GRM8: variants seen among roughly 807,000 people sequenced by gnomAD.
The protein encoded by GRM8 is glutamate metabotropic receptor 8.
In GRM8, 47 loss-of-function variants were observed where a neutral mutation model predicts 87.2. The ratio of observed to expected loss-of-function variants is 0.54; its 90% confidence interval spans 0.43 to 0.69. The LOEUF (loss-of-function observed/expected upper bound fraction) is 0.69. Ranked by LOEUF, GRM8 falls within the 30% of genes least tolerant of loss-of-function variation. The pLI is 0.00. For missense variants in GRM8, 1,019 were observed against 1,139.2 expected (o/e 0.89, Z 1.52); for synonymous variants, 396 against 404.5 (o/e 0.98, Z 0.25).
chr7:126,480,832 T>C (rs1410122520), intron 9 of GRM8, among the ~76,000 whole-genome samples: 1 of 152,068 alleles, frequency 6.6e-6, no homozygotes, highest in Admixed American at 6.6e-5. Flanking sequence ...GACACCCCAG[T>C]AGTAATGGGC....
chr7:127,233,047 G>A (rs1797784059), intron 2 of GRM8, among the ~76,000 whole-genome samples: 2 of 152,046 alleles, frequency 1.3e-5, no homozygotes, highest in Admixed American at 6.5e-5. Context: ...TGTCAGGCTT[G>A]TCTTGAACTC....
At chr7:127,063,137 T>G (rs1290419374) in intron 3 of GRM8, among the ~76,000 whole-genome samples, 1 of 150,802 alleles carries the variant, frequency 6.6e-6, no homozygotes, top group African/African-American at 2.4e-5. Flanking sequence ...CCTGTAGTCC[T>G]GGCTACTCAG....
intron 8 of GRM8, among the ~76,000 whole-genome samples, chr7:126,608,515 C>G (rs912119136): frequency 2.6e-5 from 4 of 152,130 alleles, no homozygotes; most frequent in African/African-American, 7.2e-5. Flanking sequence ...TCAAGTCGCC[C>G]TCACATGGCC....
chr7:127,164,670 T>C (rs1455525133), intron 2 of GRM8, among the ~76,000 whole-genome samples: 1 of 152,154 alleles, frequency 6.6e-6, no homozygotes, highest in African/African-American at 2.4e-5. Context: ...ACCTCTTTCA[T>C]AGCCATCGTA....
intron 2 of GRM8, among the ~76,000 whole-genome samples, chr7:127,174,684 C>T (rs1011943459): frequency 1.3e-5 from 2 of 152,168 alleles, no homozygotes; most frequent in African/African-American, 4.8e-5. Context: ...TTTACCCACA[C>T]TTAGCACCAA....
intron 8 of GRM8, among the ~76,000 whole-genome samples, chr7:126,573,777 G>A (rs1034964379): frequency 1.3e-5 from 2 of 151,848 alleles, no homozygotes; most frequent in African/African-American, 4.8e-5. Flanking sequence ...GTAGAGACAG[G>A]GTTTCACCAT....
At chr7:126,798,079 C>T (rs997206234) in intron 6 of GRM8, among the ~76,000 whole-genome samples, 5 of 152,110 alleles carry the variant, frequency 3.3e-5, no homozygotes, top group Non-Finnish European at 7.4e-5. Flanking sequence ...TAAAGAAAGT[C>T]TCAGAATTCT....
At chr7:126,699,064 A>G (rs572082544) in intron 7 of GRM8, among the ~76,000 whole-genome samples, 1 of 152,274 alleles carries the variant, frequency 6.6e-6, no homozygotes, top group Admixed American at 6.5e-5. Flanking sequence ...ACTGTCCTCA[A>G]AGTTTAGCAA....
In GRM8 at chr7:127,106,746, G is replaced by T. The variant is rs745967013; in HGVS notation, c.511-34C>A. 93 of 1,409,230 alleles carry T rather than the reference G, an allele frequency of 6.6e-5. No homozygotes were observed. The South Asian group carries it at 1.1e-3, about 16-fold the overall frequency. The allele number at this position is 1,409,230 out of a possible 1,614,324, so 87.3% of individuals were successfully genotyped here. A position where few individuals can be genotyped will look rare whatever the true frequency, so the allele number is the denominator to read the frequency against. On this transcript the variant is annotated intron_variant, in intron 2 of 10. Transcript: ENST00000339582. ...CAAATGATGGGTCATTTCAACCCAT[G>T]ACGAATCTTGAAGAATGATGGATTG...
chr7:126,532,240 G>T (rs1363649274), intron 9 of GRM8, among the ~76,000 whole-genome samples: 2 of 152,192 alleles, frequency 1.3e-5, no homozygotes, highest in Admixed American at 1.3e-4. Context: ...GGAGTCCATT[G>T]ATCTTTGCCT....
chr7:127,082,578 T>C (rs1169243279), intron 3 of GRM8, among the ~76,000 whole-genome samples: 2 of 152,242 alleles, frequency 1.3e-5, no homozygotes, highest in Non-Finnish European at 2.9e-5. Context: ...AAGAGGCTAA[T>C]GGAAGTTTCC....
intron 3 of GRM8, among the ~76,000 whole-genome samples, chr7:127,089,602 G>A (rs6467112): frequency 0.086 from 13,136 of 152,196 alleles, 1,885 homozygotes; most frequent in African/African-American, 0.3. Context: ...ATTTTAAAAT[G>A]TGGAGCTAAC....
At position 126,700,284 on chromosome 7, in the gene GRM8, C is replaced by T. The variant is rs1012570205; in HGVS notation, c.1357+69581G>A. Among the ~76,000 whole-genome samples, 7 of 151,874 alleles carry T rather than the reference C, an allele frequency of 4.6e-5. No homozygotes were observed. The East Asian group carries it at 5.8e-4, about 13-fold the overall frequency. The stretch of plus-strand genomic sequence containing the variant: ...GGTATCTGAAAGAAACCATGTTGGA[C>T]GCAAAATATATCAAGAAATCAAGAA... On this transcript the variant is annotated intron_variant, in intron 7 of 10. Transcript: ENST00000339582.
intron 6 of GRM8, among the ~76,000 whole-genome samples, chr7:126,881,101 G>T (rs1203173933): frequency 6.6e-6 from 1 of 152,076 alleles, no homozygotes; most frequent in Non-Finnish European, 1.5e-5. Flanking sequence ...TTTTCATATG[G>T]CCTCTGTATT....
chr7:126,963,334 A>G (rs1348314760), intron 3 of GRM8, among the ~76,000 whole-genome samples: 1 of 152,164 alleles, frequency 6.6e-6, no homozygotes, highest in Non-Finnish European at 1.5e-5. Context: ...TAATTTCCCC[A>G]ACACATGCAA....
At chr7:126,547,403 A>G (rs1334262939) in intron 8 of GRM8, among the ~76,000 whole-genome samples, 1 of 152,108 alleles carries the variant, frequency 6.6e-6, no homozygotes, top group Non-Finnish European at 1.5e-5. Flanking sequence ...GGAAATTTCT[A>G]TTAAAAAATT....
intron 7 of GRM8, among the ~76,000 whole-genome samples, chr7:126,729,293 G>C (rs1163827360): frequency 6.6e-6 from 1 of 152,090 alleles, no homozygotes; most frequent in Non-Finnish European, 1.5e-5. Flanking sequence ...AATGTCATCT[G>C]GCCCCAGGAG....
intron 7 of GRM8, among the ~76,000 whole-genome samples, chr7:126,737,716 A>C (rs1814397809): frequency 6.6e-6 from 1 of 152,020 alleles, no homozygotes; most frequent in South Asian, 2.1e-4. Flanking sequence ...CATTCAGCAA[A>C]CATCTATTGA....
chr7:126,972,970 G>C (rs1657758643), intron 3 of GRM8, among the ~76,000 whole-genome samples: 1 of 152,174 alleles, frequency 6.6e-6, no homozygotes, highest in Non-Finnish European at 1.5e-5. Context: ...AGTCAACCTT[G>C]CAAATATGGC....
Sources: gnomAD v4.1 joint callset for allele counts (sites outside exome capture counted in the v4.1 genomes callset) on GRCh38, gnomAD v4.1.1 for gene constraint, MANE v1.5 for transcripts, NCBI Gene and HGNC (gene_info 2026-07-23, HGNC 2026-07-21) for gene names.